The following EPHX1 variants were observed in gnomAD, a reference collection of about 807,000 sequenced individuals.
EPHX1 encodes epoxide hydratase.
EPHX1 carries 40 observed loss-of-function variants against 43.2 expected under a neutral mutation model. That is an observed-to-expected ratio of 0.93 (90% CI 0.72 to 1.21). EPHX1 has a LOEUF of 1.21. EPHX1 is among the 50% of genes most tolerant of loss of function. The probability of loss-of-function intolerance (pLI) is 0.00; values close to 1 mark genes in which losing one functional copy is unlikely to be tolerated. For missense variants in EPHX1, 550 were observed against 570.4 expected (o/e 0.96, Z 0.36); for synonymous variants, 221 against 226.7 (o/e 0.98, Z 0.22).
chr1:225,828,888 G>A lies in EPHX1; in HGVS notation c.159G>A (p.Val53=). ...ACGACAGCATCCGCCCTTTCAAGGT[G>A]GAAACGTCAGATGAGGAGATCCACG... ...REDDSIRPFK[V]ETSDEEIHDL... is the part of the protein sequence containing the mutation. Residue 53 remains valine (V), a synonymous_variant, in exon 2 of 9, where the codon GTG becomes GTA. Transcript: ENST00000272167. The A allele has an allele frequency of 6.3e-7, 1 of 1,589,078 alleles. No homozygotes were observed. The highest frequency in any genetic ancestry group is 1.1e-5 in the South Asian group (1 of 88,602).
rs1667615742 is a variant in EPHX1, at chr1:225,831,778, G to A, written c.184-1G>A. On this transcript the variant is annotated splice_acceptor_variant, in intron 2 of 8. Coordinates refer to ENST00000272167, the MANE Select transcript of EPHX1 (RefSeq NM_001136018.4). LOFTEE classifies it high-confidence loss of function. Reference sequence around the variant, plus strand: ...ACTTGGGGTCCTGAATTTTGCTCCAGGACTTACACCAGAGGATCGATAAGT... The same window carrying A: ...ACTTGGGGTCCTGAATTTTGCTCCAAGACTTACACCAGAGGATCGATAAGT... 6.2e-7 allele frequency: 1 copy of A among 1,613,654 alleles called. No individual in the cohort carries two copies. Among genetic ancestry groups the A allele is most frequent in the South Asian group, 1.1e-5 (1 of 91,052 alleles).
intron 2 of EPHX1, 101 bp downstream of exon 2, chr1:225,829,013 G>A: frequency 7.4e-7 from 1 of 1,352,304 alleles, no homozygotes; most frequent in South Asian, 1.3e-5. Flanking sequence ...ACGGGGGCTT[G>A]GGAATGGTCC....
chr1:225,820,134 G>A (rs1254232851), intron 1 of EPHX1, among the ~76,000 whole-genome samples: 2 of 152,010 alleles, frequency 1.3e-5, no homozygotes, highest in Non-Finnish European at 2.9e-5. Flanking sequence ...GTCTTGCTGT[G>A]TTCCCCAGGC....
chr1:225,821,038 A>G (rs1308904752), intron 1 of EPHX1, among the ~76,000 whole-genome samples: 1 of 152,152 alleles, frequency 6.6e-6, no homozygotes, highest in Non-Finnish European at 1.5e-5. Flanking sequence ...TTTACTTTAA[A>G]AAACAAATAA....
intron 8 of EPHX1, among the ~76,000 whole-genome samples, chr1:225,844,836 T>C (rs1355989263): frequency 6.6e-6 from 1 of 152,146 alleles, no homozygotes; most frequent in Non-Finnish European, 1.5e-5. Flanking sequence ...CGGCCCTCAG[T>C]ACCGCTCCCC....
intron 4 of EPHX1, among the ~76,000 whole-genome samples, 153 bp downstream of exon 4, chr1:225,839,034 G>A (rs1023605584): frequency 8.5e-5 from 13 of 152,208 alleles, no homozygotes; most frequent in Non-Finnish European, 1.2e-4. Context: ...CAGACACACC[G>A]CCCTCCGGGG....
At chr1:225,842,569 G>T (rs1668519759) in intron 7 of EPHX1, 95 bp downstream of exon 7, 1 of 903,060 alleles carries the variant, frequency 1.1e-6, no homozygotes, top group Non-Finnish European at 1.9e-6. Context: ...TCTGCATGGG[G>T]CACTCAGCAA....
chr1:225,831,546 C>CA lies in EPHX1; in HGVS notation c.184-220dup, dbSNP rs75126131. Among the ~76,000 whole-genome samples the CA allele has an allele frequency of 0.016, 1,720 of 104,644 alleles. 28 individuals carry two copies. Among genetic ancestry groups the CA allele is most frequent in the African/African-American group, 0.054 (1,449 of 26,988 alleles). 68.7% of individuals were successfully genotyped at this position (104,644 alleles called of 152,430 possible). Reference sequence around the variant, plus strand: ...TGGGCAACAGAGTGAGACCCTATCTCAAAAAAAAAAAAAGAAAAAAGAAAA... The same window carrying CA: ...TGGGCAACAGAGTGAGACCCTATCTCAAAAAAAAAAAAAAGAAAAAAGAAAA... On this transcript the variant is annotated intron_variant, in intron 2 of 8. Transcript: ENST00000272167.
rs536429297 is a variant in EPHX1, at chr1:225,845,477, C to T, written c.*130C>T. 1.1e-6 allele frequency: 1 copy of T among 879,460 alleles called. No homozygotes were observed. Among genetic ancestry groups the T allele is most frequent in the Non-Finnish European group, 1.8e-6 (1 of 569,418 alleles). 54.5% of individuals were successfully genotyped at this position (879,460 alleles called of 1,614,324 possible). ...GCCCATGCTGGGAGCCCACGCTCAC[C>T]CCCTCACCCCTCCAAGCTCACTCCC... On this transcript the variant is annotated 3_prime_UTR_variant, in exon 9 of 9. Coordinates refer to ENST00000272167, the MANE Select transcript of EPHX1 (RefSeq NM_001136018.4).
intron 1 of EPHX1, among the ~76,000 whole-genome samples, chr1:225,824,611 G>A (rs1667139273): frequency 6.6e-6 from 1 of 152,222 alleles, no homozygotes; most frequent in Non-Finnish European, 1.5e-5. Context: ...TTTGGAGTAA[G>A]AGGAAAGCAA....
chr1:225,838,978 G>C, intron 4 of EPHX1, 97 bp downstream of exon 4: 1 of 1,464,696 alleles, frequency 6.8e-7, no homozygotes, highest in East Asian at 2.3e-5. Context: ...TGAGCAGGGA[G>C]TTGGCCCGAG....
chr1:225,843,775 T>C (rs1668645153), intron 7 of EPHX1, among the ~76,000 whole-genome samples: 1 of 152,222 alleles, frequency 6.6e-6, no homozygotes, highest in African/African-American at 2.4e-5. Context: ...GAAAGGGAGA[T>C]GGAAGCACTT....
At chr1:225,812,404 A>T (rs1386533464) in intron 1 of EPHX1, among the ~76,000 whole-genome samples, 1 of 152,200 alleles carries the variant, frequency 6.6e-6, no homozygotes, top group African/African-American at 2.4e-5. Flanking sequence ...GCGGCTGGGA[A>T]CATCTTCAGG....
Position 225,844,639 on chromosome 1 carries a change from C to G in EPHX1, c.1166+16C>G, listed in dbSNP as rs566051666. 6.2e-7 allele frequency: 1 copy of G among 1,613,582 alleles called. No homozygotes were observed. ...AGCATGAGCGGTGAGCCTGGCTGAG[C>G]CGAGAACAGGGGCCTCTGAGGCTGG... On this transcript the variant is annotated intron_variant, in intron 8 of 8. Coordinates refer to ENST00000272167, the MANE Select transcript of EPHX1 (RefSeq NM_001136018.4).
intron 1 of EPHX1, among the ~76,000 whole-genome samples, chr1:225,819,680 G>A (rs1666896798): frequency 6.6e-6 from 1 of 152,056 alleles, no homozygotes; most frequent in African/African-American, 2.4e-5. Flanking sequence ...ACTGAGGGAG[G>A]GAACACCAAG....
intron 1 of EPHX1, among the ~76,000 whole-genome samples, chr1:225,820,639 C>G (rs1003267209): frequency 2.6e-5 from 4 of 152,150 alleles, no homozygotes; most frequent in African/African-American, 7.2e-5. Context: ...ACTTCCATCC[C>G]ATTCCATTCC....
intron 3 of EPHX1, among the ~76,000 whole-genome samples, chr1:225,835,014 A>G (rs558455554): frequency 2.4e-4 from 37 of 152,270 alleles, no homozygotes; most frequent in South Asian, 8.3e-4. Flanking sequence ...GAGCCCCACA[A>G]TCTTCCTTTG....
rs994916977 is a variant in EPHX1 at position 225,839,243 on chromosome 1, A to G, written c.619A>G (p.Ile207Val). The G allele has an allele frequency of 5.6e-6, 9 of 1,613,940 alleles. No individual in the cohort carries two copies. Among genetic ancestry groups the G allele is most frequent in the Non-Finnish European group, 7.6e-6 (9 of 1,180,000 alleles). The change falls in exon 5 of 9, where the codon ATC becomes GTC. Residue 207 changes from isoleucine to valine, a missense_variant. Coordinates refer to ENST00000272167, the MANE Select transcript of EPHX1 (RefSeq NM_001136018.4). Reference sequence around the variant, plus strand: ...GTTCAACTCGGTGGCCACCGCCAGGATCTTTTACAAGCTGATGCTGCGGCT... The same window carrying G: ...GTTCAACTCGGTGGCCACCGCCAGGGTCTTTTACAAGCTGATGCTGCGGCT... The part of the protein sequence containing the change: ...KGFNSVATAR[I>V]FYKLMLRLGF...
chr1:225,837,844 A>G (rs914662991), intron 3 of EPHX1, among the ~76,000 whole-genome samples: 1 of 152,178 alleles, frequency 6.6e-6, no homozygotes, highest in Non-Finnish European at 1.5e-5. Flanking sequence ...TTTAAAGAAA[A>G]TATCATTTGG....
Sources: gnomAD v4.1 joint callset for allele counts (sites outside exome capture counted in the v4.1 genomes callset) on GRCh38, gnomAD v4.1.1 for gene constraint, MANE v1.5 for transcripts, NCBI Gene and HGNC (gene_info 2026-07-23, HGNC 2026-07-21) for gene names.